Variants in FABP6 observed in about 807,000 individuals in gnomAD.
FABP6 encodes gastrotropin.
FABP6 carries 13 observed loss-of-function variants against 14.9 expected under a neutral mutation model. That is an observed-to-expected ratio of 0.87 (90% CI 0.57 to 1.39). The LOEUF (loss-of-function observed/expected upper bound fraction) is 1.39, where lower values mean the gene tolerates loss of function less well. Ranked by LOEUF, FABP6 falls within the 40% of genes most tolerant of loss-of-function variation. FABP6 has a pLI of 0.00. For synonymous variants in FABP6, 75 were observed against 63.6 expected (o/e 1.18, Z -0.85); for missense variants, 161 against 167.2 (o/e 0.96, Z 0.20).
At chr5:160,226,113 G>T (rs1008967252), upstream of FABP6, among the ~76,000 whole-genome samples, 1 of 151,994 alleles carries the variant, frequency 6.6e-6, no homozygotes, top group Non-Finnish European at 1.5e-5. Context: ...GGCAGAGGGT[G>T]CAGTGAGTCG....
At chr5:160,236,809 T>G (rs1156873283) in intron 3 of FABP6, among the ~76,000 whole-genome samples, 1 of 133,798 alleles carries the variant, frequency 7.5e-6, no homozygotes, top group East Asian at 2.2e-4. Context: ...CGGTCTCTAC[T>G]AAAAATACAA....
At chr5:160,194,843 C>A (rs1289581051) in intron 1 of FABP6, among the ~76,000 whole-genome samples, 1 of 152,218 alleles carries the variant, frequency 6.6e-6, no homozygotes, top group African/African-American at 2.4e-5. Context: ...CCACTCCCTG[C>A]CCACCCCATC....
At chr5:160,199,202 G>C (rs1165157123) in intron 2 of FABP6, 4 of 1,604,348 alleles carry the variant, frequency 2.5e-6, no homozygotes, top group Non-Finnish European at 3.4e-6. Flanking sequence ...GCAAATGAAA[G>C]GATGACCCAG....
intron 2 of FABP6, among the ~76,000 whole-genome samples, chr5:160,210,392 G>A (rs1466812626): frequency 6.6e-6 from 1 of 152,144 alleles, no homozygotes; most frequent in Non-Finnish European, 1.5e-5. Context: ...TCTGAACTGT[G>A]GTACAAGTTA....
At chr5:160,219,851 A>G (rs144195819) in intron 3 of FABP6, among the ~76,000 whole-genome samples, 2,217 of 152,250 alleles carry the variant, frequency 0.015, 50 homozygotes, top group African/African-American at 0.049. Flanking sequence ...TGCAGATTCT[A>G]GGGCCCCACC....
intron 1 of FABP6, among the ~76,000 whole-genome samples, chr5:160,193,174 A>G (rs1449326895): frequency 6.6e-6 from 1 of 152,014 alleles, no homozygotes; most frequent in Non-Finnish European, 1.5e-5. Context: ...GGATGTGTTC[A>G]GAGTTTCTTC....
chr5:160,209,904 C>G (rs529681178), intron 2 of FABP6, among the ~76,000 whole-genome samples: 2 of 152,224 alleles, frequency 1.3e-5, no homozygotes, highest in African/African-American at 4.8e-5. Context: ...CAACAGAAAG[C>G]AACCTAAGAC....
At chr5:160,233,372 T>C (rs1760434953) in intron 2 of FABP6, among the ~76,000 whole-genome samples, 1 of 152,078 alleles carries the variant, frequency 6.6e-6, no homozygotes, top group African/African-American at 2.4e-5. Flanking sequence ...AAACCATGAT[T>C]TCCCACCAGC....
chr5:160,224,533 A>C (rs1275278164), upstream of FABP6, among the ~76,000 whole-genome samples: 2 of 152,206 alleles, frequency 1.3e-5, no homozygotes, highest in East Asian at 3.9e-4. Flanking sequence ...GAAATGATTA[A>C]GCTTAATGGG....
At chr5:160,236,766 G>A (rs576098670) in intron 3 of FABP6, among the ~76,000 whole-genome samples, 2 of 151,150 alleles carry the variant, frequency 1.3e-5, no homozygotes, top group East Asian at 3.9e-4. Context: ...GAGGTCAGAA[G>A]TTCAAGACCA....
chr5:160,235,566 A>C (rs566926090), intron 3 of FABP6, among the ~76,000 whole-genome samples: 1 of 152,276 alleles, frequency 6.6e-6, no homozygotes, highest in East Asian at 1.9e-4. Flanking sequence ...CCCAGGTGGA[A>C]GGAATGAACG....
chr5:160,218,344 G>A (rs1160712924), intron 3 of FABP6, among the ~76,000 whole-genome samples: 1 of 152,068 alleles, frequency 6.6e-6, no homozygotes, highest in East Asian at 1.9e-4. Context: ...CACAGAACCA[G>A]TAAGTGACAG....
chr5:160,237,459 C>T (rs1041364203), intron 3 of FABP6, among the ~76,000 whole-genome samples: 2 of 152,034 alleles, frequency 1.3e-5, no homozygotes, highest in African/African-American at 4.8e-5. Flanking sequence ...GATTGCAAAT[C>T]CCCCATCTCT....
At chr5:160,214,152 T>TTTCTTTTTCTTTCA (rs1554113260) in intron 3 of FABP6, among the ~76,000 whole-genome samples, 15 of 128,890 alleles carry the variant, frequency 1.2e-4, no homozygotes, top group African/African-American at 4.2e-4. Context: ...TCTTTCTTTC[T>TTTCTTTTTCTTTCA]TTCTTTCCTT....
chr5:160,208,754 C>G (rs1759822312), intron 2 of FABP6, among the ~76,000 whole-genome samples: 1 of 151,116 alleles, frequency 6.6e-6, no homozygotes, highest in Non-Finnish European at 1.5e-5. Context: ...ATAGGGAGAC[C>G]CCATTTCTTT....
intron 3 of FABP6, among the ~76,000 whole-genome samples, chr5:160,236,537 G>A (rs1288239241): frequency 6.6e-6 from 1 of 152,172 alleles, no homozygotes; most frequent in Non-Finnish European, 1.5e-5. Flanking sequence ...AAGGCTCAGA[G>A]ACAGCAAGGG....
chr5:160,192,831 G>C (rs188791686), intron 1 of FABP6, among the ~76,000 whole-genome samples: 1 of 152,254 alleles, frequency 6.6e-6, no homozygotes, highest in Non-Finnish European at 1.5e-5. Flanking sequence ...GAAATCCCAC[G>C]CTGGGGTTGA....
At chr5:160,214,143 CT>C (rs1491313084) in intron 3 of FABP6, among the ~76,000 whole-genome samples, 1 of 141,326 alleles carries the variant, frequency 7.1e-6, no homozygotes, top group African/African-American at 2.7e-5. Context: ...TTCTTTCTTT[CT>C]TTCTTTCTTT....
At chr5:160,195,872 T>A (rs1759499382) in intron 1 of FABP6, 1 of 152,322 alleles carries the variant, frequency 6.6e-6, no homozygotes, top group South Asian at 2.1e-4. Flanking sequence ...CCGTGTGCTG[T>A]CTTCCACTTT....
Sources: gnomAD v4.1 joint callset for allele counts (sites outside exome capture counted in the v4.1 genomes callset) on GRCh38, gnomAD v4.1.1 for gene constraint, MANE v1.5 for transcripts, NCBI Gene and HGNC (gene_info 2026-07-23, HGNC 2026-07-21) for gene names.